The following CIMAP1A variants were observed in gnomAD, a reference collection of about 807,000 sequenced individuals.
CIMAP1A encodes the protein ciliary microtubule associated protein 1A.
At chr11:197,594 C>A in the CIMAP1A span, 1 of 1,613,392 alleles carries the variant, frequency 6.2e-7, no homozygotes, top group Non-Finnish European at 8.5e-7. Flanking sequence ...AAGCTGCGTG[C>A]ACCGGCCTAC....
At chr11:197,572 C>T in the CIMAP1A span, 5 of 1,613,050 alleles carry the variant, frequency 3.1e-6, no homozygotes, top group African/African-American at 5.3e-5. Flanking sequence ...CTTCATGAAG[C>T]ACACGCCCAC....
At chr11:198,549 C>T in the CIMAP1A span, 2 of 1,611,868 alleles carry the variant, frequency 1.2e-6, no homozygotes, top group Non-Finnish European at 1.7e-6. Context: ...TCAAGGGCCG[C>T]AGCAAGCTGG....
At chr11:197,275 TA>T in the CIMAP1A span, 1 of 1,500,196 alleles carries the variant, frequency 6.7e-7, no homozygotes, top group Non-Finnish European at 9.0e-7. Context: ...CAGCACCTGG[TA>T]ACCCTCTCAC....
chr11:198,177 G>T, the CIMAP1A span: 2 of 1,610,014 alleles, frequency 1.2e-6, no homozygotes, highest in Admixed American at 1.7e-5. Context: ...TGTCCCAGCA[G>T]CCCCCTTGGC....
chr11:197,422 CT>C, the CIMAP1A span: 1 of 1,598,952 alleles, frequency 6.3e-7, no homozygotes, highest in Non-Finnish European at 8.5e-7. Context: ...AGGTAAGAGC[CT>C]GAGAGACTGT....
the CIMAP1A span, chr11:198,543 G>A: frequency 6.2e-7 from 1 of 1,612,756 alleles, no homozygotes; most frequent in South Asian, 1.1e-5. Context: ...TTTCCATCAA[G>A]GGCCGCAGCA....
the CIMAP1A span, chr11:199,117 C>A: frequency 2.9e-6 from 4 of 1,373,252 alleles, no homozygotes; most frequent in South Asian, 1.6e-5. Context: ...AGCGATGTTC[C>A]CAGGACTGGC....
At chr11:198,737 TACACTGCAGTGGTG>T in the CIMAP1A span, 1 of 1,461,702 alleles carries the variant, frequency 6.8e-7, no homozygotes, top group African/African-American at 1.4e-5. Flanking sequence ...GTGCTGGGGT[TACACTGCAGTGGTG>T]AGGAGGGGCA....
At chr11:197,300 T>C in the CIMAP1A span, 4 of 1,566,470 alleles carry the variant, frequency 2.6e-6, no homozygotes, top group Admixed American at 3.7e-5. Context: ...CGGACAGAGC[T>C]GGCCATGACG....
At chr11:198,423 T>A in the CIMAP1A span, 1 of 1,613,134 alleles carries the variant, frequency 6.2e-7, no homozygotes, top group Non-Finnish European at 8.5e-7. Flanking sequence ...GAAGGAGCAG[T>A]GGGCCCTGTT....
the CIMAP1A span, chr11:198,610 A>G: frequency 4.3e-5 from 68 of 1,584,780 alleles, no homozygotes; most frequent in Non-Finnish European, 5.6e-5. Context: ...AACTGAGAAC[A>G]GAGAATCACC....
At chr11:198,436 G>A in the CIMAP1A span, 562 of 1,613,194 alleles carry the variant, frequency 3.5e-4, 1 homozygote, top group African/African-American at 4.2e-3. Flanking sequence ...GCCCTGTTCC[G>A]GCCTGAGGCT....
the CIMAP1A span, chr11:200,163 C>A: frequency 5.3e-6 from 4 of 752,608 alleles, no homozygotes; most frequent in Non-Finnish European, 8.5e-6. Flanking sequence ...CTTGTTTGGG[C>A]AATTGTAATC....
chr11:198,125 GTCC>G, the CIMAP1A span: 1 of 1,565,746 alleles, frequency 6.4e-7, no homozygotes, highest in Non-Finnish European at 8.7e-7. Flanking sequence ...ATGTTGGGGA[GTCC>G]TCCTTGAGCC....
At chr11:197,312 AG>A in the CIMAP1A span, 3 of 1,578,520 alleles carry the variant, frequency 1.9e-6, no homozygotes, top group Non-Finnish European at 2.6e-6. Context: ...GCCATGACGG[AG>A]GAGGTATGGA....
At chr11:199,427 C>T in the CIMAP1A span, 27 of 1,571,900 alleles carry the variant, frequency 1.7e-5, no homozygotes, top group East Asian at 4.0e-4. Flanking sequence ...TTCAAGGCTC[C>T]GCAGTACACC....
chr11:198,592 G>T, the CIMAP1A span: 28 of 1,601,362 alleles, frequency 1.7e-5, no homozygotes, highest in Non-Finnish European at 2.2e-5. Context: ...CAAGGCAAGG[G>T]CCACCCCAAC....
the CIMAP1A span, chr11:200,179 C>CT: frequency 1.5e-6 from 1 of 678,132 alleles, no homozygotes; most frequent in Non-Finnish European, 2.4e-6. Context: ...TAATCAGTTA[C>CT]TTTTTTTCTA....
At chr11:197,117 G>A in the CIMAP1A span, 4 of 535,428 alleles carry the variant, frequency 7.5e-6, no homozygotes, top group South Asian at 2.6e-5. Context: ...ACAGACCCAT[G>A]CAGAAAGCTC....
Sources: gnomAD v4.1 joint callset for allele counts on GRCh38, gnomAD v4.1.1 for gene constraint, MANE v1.5 for transcripts, NCBI Gene and HGNC (gene_info 2026-07-23, HGNC 2026-07-21) for gene names.